The following SORT1 variants were observed in gnomAD, a reference collection of about 807,000 sequenced individuals.
SORT1 encodes the protein sortilin 1, also known as sortilin.
A neutral mutation model predicts 101.7 loss-of-function variants in SORT1; 39 were observed. That is an observed-to-expected ratio of 0.38 (90% CI 0.30 to 0.50). The LOEUF is 0.50. Among genes scored for constraint, SORT1 ranks in the 20% least tolerant of loss-of-function variants. SORT1 has a pLI of 0.90. For synonymous variants in SORT1, 396 were observed against 393.7 expected, an observed-to-expected ratio of 1.01 and a Z score of -0.07; for missense variants, 878 against 1,040.4, an observed-to-expected ratio of 0.84 and a Z score of 2.15.
chr1:109,328,856 C>G (rs1159196071), intron 11 of SORT1, among the ~76,000 whole-genome samples: 1 of 152,158 alleles, frequency 6.6e-6, no homozygotes, highest in African/African-American at 2.4e-5. Context: ...TCTCACAGAC[C>G]CAGCCAAGTG....
At position 109,371,821 on chromosome 1, in the gene SORT1, C is replaced by T. The variant is rs528535392; in HGVS notation, c.307-2232G>A. Among the ~76,000 whole-genome samples, 81 of 152,242 alleles carry T rather than the reference C, an allele frequency of 5.3e-4. 1 individual carries two copies. Among genetic ancestry groups the T allele is most frequent in the Admixed American group, 1.3e-3 (20 of 15,292 alleles). On this transcript the variant is annotated intron_variant, in intron 1 of 19. Coordinates refer to ENST00000256637, the MANE Select transcript of SORT1 (RefSeq NM_002959.7). ...TGGTTTTCTACTGCCCTTAAGCTGT[C>T]CCTCCCACCCACTCCAAATAACCAA...
chr1:109,314,174 T>C lies in SORT1; in HGVS notation c.2481+87A>G, dbSNP rs945912917. ...TCATTAAGTCGCCTTGGCCCTGGCA[T>C]ATCTTGATCATGAATAGAAGACAGA... On this transcript the variant is annotated intron_variant, in intron 19 of 19. Coordinates refer to ENST00000256637, the MANE Select transcript of SORT1 (RefSeq NM_002959.7). 3 of 1,543,506 alleles carry C rather than the reference T, an allele frequency of 1.9e-6. No individual in the cohort carries two copies. In the Admixed American group the frequency reaches 5.2e-5, roughly 27 times the overall value.
chr1:109,365,329 G>C (rs1395427885), intron 3 of SORT1, among the ~76,000 whole-genome samples: 1 of 152,140 alleles, frequency 6.6e-6, no homozygotes, highest in Non-Finnish European at 1.5e-5. Context: ...CCCAAGAGAT[G>C]CTCCTACCTC....
At chr1:109,372,102 A>G (rs1262558770) in intron 1 of SORT1, among the ~76,000 whole-genome samples, 1 of 152,210 alleles carries the variant, frequency 6.6e-6, no homozygotes, top group East Asian at 1.9e-4. Flanking sequence ...GGAGAAAAAA[A>G]TACGGATGTC....
At chr1:109,343,877 C>G (rs1224371013) in intron 8 of SORT1, among the ~76,000 whole-genome samples, 1 of 152,180 alleles carries the variant, frequency 6.6e-6, no homozygotes, top group Non-Finnish European at 1.5e-5. Flanking sequence ...TCTCAAACTC[C>G]TGACCTCAAG....
At position 109,314,715 on chromosome 1, in the gene SORT1, C is replaced by T. The variant is rs376200762; in HGVS notation, c.2314G>A (p.Val772Ile). The change falls in exon 18 of 20, where the codon GTA becomes ATA. Residue 772 changes from valine to isoleucine, a missense_variant. Physicochemically the swap from Val to Ile is conservative, Grantham distance 29. Around this residue, in one of 2 missense-constraint regions of SORT1, gnomAD observed 684 missense variants for 894.5 expected, o/e 0.76. Coordinates refer to ENST00000256637, the MANE Select transcript of SORT1 (RefSeq NM_002959.7). ...TTCTTCACAATGAGCACTCCTGCTACGACTGTGACCAGCATCAATCCCACG... is the reference window on the plus strand; with the variant it reads ...TTCTTCACAATGAGCACTCCTGCTATGACTGTGACCAGCATCAATCCCACG... ...AIVGLMLVTVVAGVLIVKKYV... is the reference protein window; with the variant it reads ...AIVGLMLVTVIAGVLIVKKYV... 69 of 1,610,524 alleles carry T rather than the reference C, an allele frequency of 4.3e-5. No homozygotes were observed. The highest frequency in any genetic ancestry group is 5.4e-5 in the Non-Finnish European group (63 of 1,176,888).
rs1231376513 is a variant in SORT1 at position 109,311,744 on chromosome 1, A to G, written c.*2299T>C. 6.6e-6 allele frequency: 1 copy of G among 152,274 alleles called. No homozygotes were observed. Among genetic ancestry groups the G allele is most frequent in the African/African-American group, 2.4e-5 (1 of 41,470 alleles). 9.4% of individuals were successfully genotyped at this position (152,274 alleles called of 1,614,324 possible). On this transcript the variant is annotated 3_prime_UTR_variant, in exon 20 of 20. Coordinates refer to ENST00000256637, the MANE Select transcript of SORT1 (RefSeq NM_002959.7). ...TTCACCAAGGTGGCAAAAAGGTGCT[A>G]AATACTGCTAGGAAACAAATGCCAC... is the stretch of plus-strand genomic sequence containing the variant.
At chr1:109,356,051 A>G (rs1187826545) in intron 3 of SORT1, among the ~76,000 whole-genome samples, 1 of 151,964 alleles carries the variant, frequency 6.6e-6, no homozygotes, top group Admixed American at 6.6e-5. Flanking sequence ...TTTGTATTTT[A>G]AGTAGAGACG....
At chr1:109,382,042 T>C (rs1192369990) in intron 1 of SORT1, among the ~76,000 whole-genome samples, 1 of 150,518 alleles carries the variant, frequency 6.6e-6, no homozygotes, top group Non-Finnish European at 1.5e-5. Context: ...TAAAACTATA[T>C]AAGTAAGCTA....
At chr1:109,360,133 C>T (rs1291365606) in intron 3 of SORT1, among the ~76,000 whole-genome samples, 3 of 152,164 alleles carry the variant, frequency 2.0e-5, no homozygotes, top group African/African-American at 4.8e-5. Flanking sequence ...CCTCCCACCT[C>T]GGCCTCCCAA....
At chr1:109,329,752 A>G (rs1415777819) in intron 11 of SORT1, among the ~76,000 whole-genome samples, 1 of 152,262 alleles carries the variant, frequency 6.6e-6, no homozygotes, top group Non-Finnish European at 1.5e-5. Flanking sequence ...GGTAGACGAC[A>G]ATACAATAAT....
Position 109,314,046 on chromosome 1 carries a change from T to C in SORT1, c.2493A>G (p.Glu831=). The C allele has an allele frequency of 1.2e-6, 2 of 1,614,062 alleles. No homozygotes were observed. The highest frequency in any genetic ancestry group is 1.7e-6 in the Non-Finnish European group (2 of 1,179,938). The change falls in exon 20 of 20, where the codon GAA becomes GAG. Residue 831 remains glutamate, a synonymous_variant. Coordinates refer to ENST00000256637, the MANE Select transcript of SORT1 (RefSeq NM_002959.7). The part of the protein sequence containing the change: ...YHDDSDEDLL[E] ...TGGGTCCAGCTCCTCTGAAGAGCTATTCCAAGAGGTCCTGAAAAAGACATG... is the reference window on the plus strand; with the variant it reads ...TGGGTCCAGCTCCTCTGAAGAGCTACTCCAAGAGGTCCTGAAAAAGACATG...
At chr1:109,319,730 A>G (rs562546306) in intron 15 of SORT1, among the ~76,000 whole-genome samples, 42 of 152,140 alleles carry the variant, frequency 2.8e-4, no homozygotes, top group African/African-American at 9.9e-4. Flanking sequence ...AGCCAGGTGC[A>G]GTGGTGTGTG....
intron 1 of SORT1, among the ~76,000 whole-genome samples, chr1:109,394,748 C>T (rs1653098747): frequency 1.3e-5 from 2 of 152,258 alleles, no homozygotes; most frequent in South Asian, 2.1e-4. Context: ...CATTCACATA[C>T]ATTGATGATG....
At chr1:109,316,812 C>T in intron 17 of SORT1, 38 bp downstream of exon 17, 1 of 1,282,540 alleles carries the variant, frequency 7.8e-7, no homozygotes, top group East Asian at 2.3e-5. Flanking sequence ...AACACAAAAT[C>T]CCATTTGTAC....
intron 11 of SORT1, 104 bp from the exon 12 acceptor site, chr1:109,327,705 C>T: frequency 1.5e-6 from 1 of 657,064 alleles, no homozygotes; most frequent in South Asian, 2.5e-5. Flanking sequence ...TAACCCAGAC[C>T]TAGGTAAAAG....
At chr1:109,363,008 A>C (rs561802189) in intron 3 of SORT1, among the ~76,000 whole-genome samples, 1 of 152,302 alleles carries the variant, frequency 6.6e-6, no homozygotes, top group South Asian at 2.1e-4. Context: ...TATCCTTTTA[A>C]AAAAATCTCA....
At chr1:109,318,207 G>A (rs756412414) in intron 15 of SORT1, among the ~76,000 whole-genome samples, 1 of 150,452 alleles carries the variant, frequency 6.6e-6, no homozygotes. Flanking sequence ...AGGCTGGAGT[G>A]CAGTGGCGTG....
chr1:109,342,289 G>T (rs759011425), intron 8 of SORT1, 131 bp from the exon 9 acceptor site: 10 of 701,908 alleles, frequency 1.4e-5, no homozygotes, highest in African/African-American at 3.6e-5. Flanking sequence ...TGAATGAAAG[G>T]TCATAGTACC....
Sources: allele counts gnomAD v4.1 joint callset (sites outside exome capture counted in the v4.1 genomes callset), GRCh38; gene constraint gnomAD v4.1.1; regional missense constraint gnomAD v4.1.1; transcripts MANE v1.5; gene names NCBI Gene and HGNC (gene_info 2026-07-23, HGNC 2026-07-21).